CAMTA1: variants seen among roughly 807,000 people sequenced by gnomAD.
The protein encoded by CAMTA1 is calmodulin-binding transcription activator 1.
CAMTA1 carries 27 observed loss-of-function variants against 170.9 expected under a neutral mutation model. The observed-to-expected ratio is 0.16, with a 90% CI of 0.12 to 0.22. CAMTA1 has a LOEUF of 0.22. CAMTA1 is among the 10% of genes least tolerant of loss of function. The pLI, the probability that CAMTA1 is intolerant of heterozygous loss-of-function variation, is 1.00. For synonymous variants in CAMTA1, 833 were observed against 891.5 expected (o/e 0.93, Z 1.17); for missense variants, 1,619 against 2,217.2 (o/e 0.73, Z 5.42).
intron 3 of CAMTA1, among the ~76,000 whole-genome samples, chr1:6,855,093 A>G (rs1362783679): frequency 1.3e-5 from 2 of 152,200 alleles, no homozygotes; most frequent in African/African-American, 4.8e-5. Flanking sequence ...TTGTATATGT[A>G]GAAAATTAAA....
intron 3 of CAMTA1, among the ~76,000 whole-genome samples, chr1:7,086,410 C>T (rs1026434843): frequency 9.2e-5 from 14 of 152,054 alleles, no homozygotes; most frequent in Non-Finnish European, 1.2e-4. Flanking sequence ...GATGTTGATG[C>T]CTCCTTCTTC....
In CAMTA1 at chr1:7,456,306, C is replaced by T. The variant is rs1454602760; in HGVS notation, c.439-11524C>T. Reference sequence around the variant, plus strand: ...AATGGGAGGGAGGAAGGACAGGGAGCGGGAAGGAGGAAGGCAGGCCATCAC... The same window carrying T: ...AATGGGAGGGAGGAAGGACAGGGAGTGGGAAGGAGGAAGGCAGGCCATCAC... On this transcript the variant is annotated intron_variant, in intron 5 of 22. Transcript: ENST00000303635. The surrounding 1 kb of genome is among the most constrained non-coding windows in gnomAD (Gnocchi z 4.9). 6.6e-6 allele frequency among the ~76,000 whole-genome samples: 1 copy of T among 151,608 alleles called. No homozygotes were observed. Among genetic ancestry groups the T allele is most frequent in the Non-Finnish European group, 1.5e-5 (1 of 67,930 alleles).
intron 4 of CAMTA1, among the ~76,000 whole-genome samples, chr1:7,111,322 C>T (rs1644024850): frequency 6.6e-6 from 1 of 152,202 alleles, no homozygotes; most frequent in African/African-American, 2.4e-5. Context: ...ACATGGACAT[C>T]TGGGGAGAGG....
At chr1:7,569,075 CCAT>C (rs1203992953) in intron 6 of CAMTA1, among the ~76,000 whole-genome samples, 4 of 151,596 alleles carry the variant, frequency 2.6e-5, no homozygotes, top group Admixed American at 6.6e-5. Flanking sequence ...ATTACCACCA[CCAT>C]CATCAACATC....
Position 7,580,526 on chromosome 1 carries a change from A to G in CAMTA1, c.511-59874A>G, listed in dbSNP as rs964747346. On this transcript the variant is annotated intron_variant, in intron 6 of 22. Transcript: ENST00000303635. This position sits in a 1 kb window ranked among gnomAD's most constrained non-coding sequence, Gnocchi z 4.3. ...CTCAGAGACACACAGCCCTCTTCCC[A>G]TGAGCCAGGTGGCAGACAGGACACC... Among the ~76,000 whole-genome samples, 1 of 152,114 alleles carries G rather than the reference A, an allele frequency of 6.6e-6. No homozygotes were observed. The highest frequency in any genetic ancestry group is 1.5e-5 in the Non-Finnish European group (1 of 68,016).
Position 7,125,102 on chromosome 1 carries a change from G to A in CAMTA1, c.302+33731G>A, listed in dbSNP as rs1010870914. On this transcript the variant is annotated intron_variant, in intron 4 of 22. Coordinates refer to ENST00000303635, the MANE Select transcript of CAMTA1 (RefSeq NM_015215.4). ...TCCCCATCTGTTGTCCCTGCTCCCT[G>A]AGTAGAGTTCCAGGAAGCAACGCCT... 2.6e-5 allele frequency among the ~76,000 whole-genome samples: 4 copies of A among 152,100 alleles called. No individual in the cohort carries two copies. In the South Asian group the frequency reaches 6.2e-4, roughly 24 times the overall value.
chr1:7,172,131 A>G (rs1010892304), intron 4 of CAMTA1, among the ~76,000 whole-genome samples: 1 of 151,446 alleles, frequency 6.6e-6, no homozygotes, highest in African/African-American at 2.4e-5. Context: ...AATCAAGTGG[A>G]GGTGGAGATC....
chr1:7,581,317 C>A (rs920603706), intron 6 of CAMTA1, among the ~76,000 whole-genome samples: 4 of 152,222 alleles, frequency 2.6e-5, no homozygotes, highest in African/African-American at 9.6e-5. Flanking sequence ...AATTGCTAAG[C>A]AACAGTGTCC....
chr1:7,358,479 C>T (rs1021393075), intron 5 of CAMTA1, among the ~76,000 whole-genome samples: 5 of 152,124 alleles, frequency 3.3e-5, no homozygotes, highest in Non-Finnish European at 4.4e-5. Context: ...TCACTGGAGG[C>T]GGGCAGTGGT....
rs6577402 is a variant in CAMTA1 at position 7,014,668 on chromosome 1, T to C, written c.235-76636T>C. Among the ~76,000 whole-genome samples the C allele has an allele frequency of 0.6, 90,425 of 151,926 alleles. 27,359 individuals carry two copies. The highest frequency in any genetic ancestry group is 0.71 in the African/African-American group (29,212 of 41,432). ...GTTTCTCATAACCCAACGCTTGGCT[T>C]GGTTTCAAAAAGGAAGCCTCTCCTC... On this transcript the variant is annotated intron_variant, in intron 3 of 22. Transcript: ENST00000303635. The surrounding 1 kb of genome is among the most constrained non-coding windows in gnomAD (Gnocchi z 4.2).
chr1:7,370,804 C>T (rs982145025), intron 5 of CAMTA1, among the ~76,000 whole-genome samples: 1 of 152,014 alleles, frequency 6.6e-6, no homozygotes, highest in Non-Finnish European at 1.5e-5. Flanking sequence ...AAACACATTC[C>T]GACTGTCACA....
intron 3 of CAMTA1, among the ~76,000 whole-genome samples, chr1:6,919,804 C>T (rs975709402): frequency 5.3e-5 from 8 of 152,168 alleles, no homozygotes; most frequent in African/African-American, 1.9e-4. Context: ...GAAACTCCCC[C>T]TTATAATACT....
chr1:7,058,079 G>A (rs113872920), intron 3 of CAMTA1, among the ~76,000 whole-genome samples: 3 of 152,122 alleles, frequency 2.0e-5, no homozygotes, highest in Admixed American at 6.5e-5. Flanking sequence ...ACGGAGACCG[G>A]CCCCTTCCTC....
intron 4 of CAMTA1, among the ~76,000 whole-genome samples, chr1:7,147,330 A>G (rs1355253402): frequency 6.6e-6 from 1 of 151,776 alleles, no homozygotes; most frequent in Non-Finnish European, 1.5e-5. Flanking sequence ...AGGCTGAGGC[A>G]GGAGAATGGC....
intron 1 of CAMTA1, among the ~76,000 whole-genome samples, chr1:6,812,696 C>T (rs1405579326): frequency 6.6e-6 from 1 of 152,090 alleles, no homozygotes; most frequent in African/African-American, 2.4e-5. Flanking sequence ...TACTGTGATT[C>T]ATATCTAGAA....
At chr1:7,223,371 T>C (rs1195371544) in intron 4 of CAMTA1, among the ~76,000 whole-genome samples, 1 of 151,834 alleles carries the variant, frequency 6.6e-6, no homozygotes, top group African/African-American at 2.4e-5. Flanking sequence ...TGTGTGTGAG[T>C]GTATGCATGC....
intron 6 of CAMTA1, among the ~76,000 whole-genome samples, chr1:7,611,638 G>T (rs2150683086): frequency 6.6e-6 from 1 of 152,342 alleles, no homozygotes; most frequent in African/African-American, 2.4e-5. Context: ...AGTCTGACAA[G>T]AGCTGTGTGC....
chr1:6,821,839 C>G (rs1461623954), intron 2 of CAMTA1, among the ~76,000 whole-genome samples: 1 of 152,168 alleles, frequency 6.6e-6, no homozygotes, highest in East Asian at 1.9e-4. Flanking sequence ...AACAGTAATT[C>G]TGCTTTTTGT....
intron 20 of CAMTA1, among the ~76,000 whole-genome samples, chr1:7,751,838 G>T (rs186287872): frequency 6.6e-6 from 1 of 152,164 alleles, no homozygotes; most frequent in East Asian, 1.9e-4. Flanking sequence ...AACTATTCTT[G>T]GAGTTATTTC....
Sources: gnomAD v4.1 joint callset for allele counts (sites outside exome capture counted in the v4.1 genomes callset) on GRCh38, gnomAD v4.1.1 for gene constraint, Gnocchi (gnomAD v3.1) non-coding constraint, MANE v1.5 for transcripts, NCBI Gene and HGNC (gene_info 2026-07-23, HGNC 2026-07-21) for gene names.